Variants in NRXN3 observed in about 807,000 individuals in gnomAD.
The protein encoded by NRXN3 is neurexin 3.
A neutral mutation model predicts 137.6 loss-of-function variants in NRXN3; 32 were observed. The ratio of observed to expected loss-of-function variants is 0.23; its 90% CI spans 0.18 to 0.31. The LOEUF is 0.31. Among genes scored for constraint, NRXN3 ranks in the 10% least tolerant of loss-of-function variants. The pLI is 1.00. For missense variants in NRXN3, 1,574 were observed against 2,062.5 expected (o/e 0.76, Z 4.59); for synonymous variants, 798 against 784.5 (o/e 1.02, Z -0.29).
At chr14:79,106,866 A>G (rs2152865001) in intron 15 of NRXN3, among the ~76,000 whole-genome samples, 1 of 152,284 alleles carries the variant, frequency 6.6e-6, no homozygotes, top group East Asian at 1.9e-4. Flanking sequence ...GAAAACAACC[A>G]GTTAATGAAG....
intron 15 of NRXN3, among the ~76,000 whole-genome samples, chr14:79,042,429 G>A (rs1187820014): frequency 1.3e-5 from 2 of 152,150 alleles, no homozygotes; most frequent in African/African-American, 2.4e-5. Flanking sequence ...GAAAACTGAG[G>A]CTAAGACTAG....
chr14:78,846,740 G>A (rs2099028182), intron 10 of NRXN3, among the ~76,000 whole-genome samples: 1 of 152,066 alleles, frequency 6.6e-6, no homozygotes, highest in African/African-American at 2.4e-5. Context: ...GTCAGCAGAA[G>A]TAGGTAGATG....
chr14:78,470,912 C>T (rs891164946), intron 4 of NRXN3, among the ~76,000 whole-genome samples: 6 of 152,104 alleles, frequency 3.9e-5, no homozygotes, highest in Non-Finnish European at 5.9e-5. Context: ...AGCAACCTTC[C>T]GAAGGTCAGA....
At chr14:79,609,457 C>T (rs902907839) in intron 16 of NRXN3, among the ~76,000 whole-genome samples, 4 of 152,074 alleles carry the variant, frequency 2.6e-5, no homozygotes, top group Non-Finnish European at 2.9e-5. Flanking sequence ...TTTGAATCCC[C>T]GGCAGAGTAA....
rs12586770 is a variant in NRXN3 at position 79,634,277 on chromosome 14, C to T, written c.3445-29501C>T. On this transcript the variant is annotated intron_variant, in intron 16 of 20. Transcript: ENST00000335750. ...TCTAAGGCTATATAATGTCGAGAGA[C>T]GGGCTAGTCCAGGAATCATGACAGC... 9.1e-3 allele frequency among the ~76,000 whole-genome samples: 1,381 copies of T among 151,856 alleles called. 93 individuals carry two copies. In the East Asian group the frequency reaches 0.19, roughly 21 times the overall value.
At chr14:78,262,906 C>T (rs1373944050) in intron 2 of NRXN3, among the ~76,000 whole-genome samples, 1 of 152,190 alleles carries the variant, frequency 6.6e-6, no homozygotes, top group African/African-American at 2.4e-5. Flanking sequence ...TCCCATTTTA[C>T]AGATGAGGAG....
Position 78,634,455 on chromosome 14 carries a change from A to G in NRXN3, c.758-10665A>G, listed in dbSNP as rs1413702806. 4.6e-5 allele frequency among the ~76,000 whole-genome samples: 7 copies of G among 152,236 alleles called. No homozygotes were observed. The East Asian group carries it at 1.2e-3, about 25-fold the overall frequency. ...GTATGGTTAAAAAGTTGACATCCAT[A>G]AATCAAATAACCAAAGAATCATTCA... On this transcript the variant is annotated intron_variant, in intron 4 of 20. Transcript: ENST00000335750.
At chr14:78,989,082 G>A (rs1373841787) in intron 15 of NRXN3, among the ~76,000 whole-genome samples, 1 of 152,162 alleles carries the variant, frequency 6.6e-6, no homozygotes, top group African/African-American at 2.4e-5. Flanking sequence ...CCGTGGCAAA[G>A]AGATTTGTTG....
chr14:78,702,628 G>A (rs2098297899), intron 6 of NRXN3, among the ~76,000 whole-genome samples: 1 of 151,858 alleles, frequency 6.6e-6, no homozygotes, highest in African/African-American at 2.4e-5. Context: ...ATTTTTAGTA[G>A]AGATGGGGTT....
At chr14:79,511,835 T>C (rs2153690750) in intron 16 of NRXN3, among the ~76,000 whole-genome samples, 1 of 152,316 alleles carries the variant, frequency 6.6e-6, no homozygotes, top group South Asian at 2.1e-4. Flanking sequence ...AACAAACATA[T>C]TCACCTTTCT....
chr14:79,615,780 TC>T (rs1163926216), intron 16 of NRXN3, among the ~76,000 whole-genome samples: 1 of 152,130 alleles, frequency 6.6e-6, no homozygotes, highest in African/African-American at 2.4e-5. Flanking sequence ...TCCAGTCACA[TC>T]CCACTGGTTC....
intron 15 of NRXN3, among the ~76,000 whole-genome samples, chr14:79,386,235 T>C (rs1357128487): frequency 2.6e-5 from 4 of 152,156 alleles, no homozygotes; most frequent in African/African-American, 4.8e-5. Context: ...CTCCTTACGC[T>C]GAGAGGCAAC....
rs1187598256 is a variant in NRXN3, at chr14:79,740,708, TTTTTTATATATATA to T, written c.4014+42773_4014+42786del. 1.6e-3 allele frequency among the ~76,000 whole-genome samples: 56 copies of T among 35,160 alleles called. 2 individuals are homozygous for T. Among genetic ancestry groups the T allele is most frequent in the African/African-American group, 6.9e-3 (55 of 7,934 alleles). The allele number at this position is 35,160 out of a possible 152,430, so 23.1% of individuals were successfully genotyped here. On this transcript the variant is annotated intron_variant, in intron 19 of 20. Coordinates refer to ENST00000335750, the MANE Select transcript of NRXN3 (RefSeq NM_001330195.2). ...CCTTTCCACTGGACTTTGCATTTAG[TTTTTTATATATATA>T]TATATATATATATATATATATATAT...
At chr14:78,625,395 G>A (rs2097448258) in intron 4 of NRXN3, among the ~76,000 whole-genome samples, 1 of 152,204 alleles carries the variant, frequency 6.6e-6, no homozygotes, top group Non-Finnish European at 1.5e-5. Flanking sequence ...TTTTGCAAGA[G>A]CATCCAAAGT....
chr14:79,058,500 T>TATA (rs1568142910), intron 15 of NRXN3, among the ~76,000 whole-genome samples: 1 of 151,926 alleles, frequency 6.6e-6, no homozygotes, highest in African/African-American at 2.4e-5. Flanking sequence ...ATATATATAT[T>TATA]TTTAATATTA....
chr14:79,319,188 A>G (rs547264987), intron 15 of NRXN3, among the ~76,000 whole-genome samples: 92 of 152,342 alleles, frequency 6.0e-4, no homozygotes, highest in Non-Finnish European at 1.0e-3. Flanking sequence ...CTTTTAAATT[A>G]AAAGTATTCC....
intron 2 of NRXN3, among the ~76,000 whole-genome samples, chr14:78,266,732 C>T (rs2071805662): frequency 6.6e-6 from 1 of 152,080 alleles, no homozygotes; most frequent in African/African-American, 2.4e-5. Context: ...GCATGGGCCT[C>T]AGACTCAAAA....
chr14:79,637,515 C>A (rs2097835870), intron 16 of NRXN3, among the ~76,000 whole-genome samples: 2 of 151,930 alleles, frequency 1.3e-5, no homozygotes, highest in Admixed American at 1.3e-4. Flanking sequence ...AGGGGGGAAT[C>A]CTGCACACAC....
rs112037581 is a variant in NRXN3 at position 78,879,336 on chromosome 14, G to T, written c.2275+68992G>T. On this transcript the variant is annotated intron_variant, in intron 10 of 20. Transcript: ENST00000335750. ...ATATCCCCAACAGCAGTATACCAGGGTTCCCTTTTCTCTACATCCTTGCTA... is the reference window on the plus strand; with the variant it reads ...ATATCCCCAACAGCAGTATACCAGGTTTCCCTTTTCTCTACATCCTTGCTA... Among the ~76,000 whole-genome samples the T allele has an allele frequency of 1.7e-3, 258 of 152,238 alleles. 1 individual carries two copies. Among genetic ancestry groups the T allele is most frequent in the African/African-American group, 5.6e-3 (232 of 41,526 alleles).
Sources: gnomAD v4.1 joint callset for allele counts (sites outside exome capture counted in the v4.1 genomes callset) on GRCh38, gnomAD v4.1.1 for gene constraint, MANE v1.5 for transcripts, NCBI Gene and HGNC (gene_info 2026-07-23, HGNC 2026-07-21) for gene names.